The following EXOC7 variants were observed in gnomAD, a reference collection of about 807,000 sequenced individuals.
The protein encoded by EXOC7 is exocyst complex component 7, also known as exocyst complex component Exo70.
EXOC7 carries 51 observed loss-of-function variants against 87.6 expected under a neutral mutation model. The observed-to-expected ratio is 0.58, with a 90% confidence interval of 0.46 to 0.73. EXOC7 has a LOEUF of 0.73. EXOC7 is among the 30% of genes least tolerant of loss of function. The pLI is 0.00. For missense variants in EXOC7, 744 were observed against 888.4 expected (o/e 0.84, Z 2.07); for synonymous variants, 327 against 357.1 (o/e 0.92, Z 0.95).
chr17:76,088,203 T>A (rs899212298), intron 10 of EXOC7, 81 bp from the exon 11 acceptor site: 2 of 1,435,740 alleles, frequency 1.4e-6, no homozygotes, highest in Non-Finnish European at 1.9e-6. Flanking sequence ...TGGTGCCGCC[T>A]CCTGGCAGAC....
At chr17:76,087,485 G>A (rs985171893) in intron 12 of EXOC7, 169 bp downstream of exon 12, 13 of 644,282 alleles carry the variant, frequency 2.0e-5, no homozygotes, top group African/African-American at 2.0e-4. Context: ...CTTGAAAGGT[G>A]CAGGCAAACC....
rs2067124771 is a variant in EXOC7, at chr17:76,084,554, G to A, written c.1739C>T (p.Ala580Val). ...RSWLKVTDYI[A>V]EKNLPVFQPG... ...CTGGAACACAGGTAGATTCTTCTCT[G>A]CGATGTAATCAGTCACCTTTAACCA... The change falls in exon 16 of 19, where the codon GCA (alanine) becomes GTA (valine). Residue 580 changes from alanine (A) to valine (V), a missense_variant. Coordinates refer to ENST00000589210, the MANE Select transcript of EXOC7 (RefSeq NM_001013839.4). 3.7e-6 allele frequency: 6 copies of A among 1,613,934 alleles called. No homozygotes were observed. In the East Asian group the frequency reaches 8.9e-5, roughly 24 times the overall value.
intron 14 of EXOC7, 102 bp downstream of exon 14, chr17:76,085,575 C>A (rs146872206): frequency 1.9e-6 from 3 of 1,582,706 alleles, no homozygotes; most frequent in Non-Finnish European, 2.6e-6. Flanking sequence ...ACCCCCTCCC[C>A]TCTCGTCCAC....
rs199573454 is a variant in EXOC7, at chr17:76,098,031, C to T, written c.418-13G>A. On this transcript the variant is annotated splice_polypyrimidine_tract_variant and intron_variant, in intron 4 of 18. Coordinates refer to ENST00000589210, the MANE Select transcript of EXOC7 (RefSeq NM_001013839.4). ...CAAAGAGCAGTTTCTGCACAGACAA[C>T]AGAAGGAAGCAGGTGCCTGCTGCTT... The T allele has an allele frequency of 6.2e-7, 1 of 1,611,798 alleles. No individual in the cohort carries two copies.
At chr17:76,101,468 G>A in intron 3 of EXOC7, 92 bp from the exon 4 acceptor site, 1 of 1,524,842 alleles carries the variant, frequency 6.6e-7, no homozygotes, top group African/African-American at 1.4e-5. Context: ...TTAATACAGG[G>A]GACTCCAGGC....
At chr17:76,099,541 A>T (rs545166761) in intron 4 of EXOC7, among the ~76,000 whole-genome samples, 1 of 152,290 alleles carries the variant, frequency 6.6e-6, no homozygotes, top group East Asian at 1.9e-4. Context: ...CCAAAAAAAG[A>T]AACTGTGGTC....
At chr17:76,085,112 T>C (rs1280627367) in intron 15 of EXOC7, 4 of 585,456 alleles carry the variant, frequency 6.8e-6, no homozygotes, top group East Asian at 5.7e-5. Context: ...AAAGTGGCCA[T>C]AGTGGGCCCC....
chr17:76,081,620 G>A lies in EXOC7; in HGVS notation c.*2028C>T, dbSNP rs566441531. 26 of 1,614,082 alleles carry A rather than the reference G, an allele frequency of 1.6e-5. No homozygotes were observed. Among genetic ancestry groups the A allele is most frequent in the Admixed American group, 1.0e-4 (6 of 60,032 alleles). Reference sequence around the variant, plus strand: ...TGCAGAGGCACTGCTGTTGGCTGACGTGTGCGGGGGGTTGCTGCCCCTCCG... The same window carrying A: ...TGCAGAGGCACTGCTGTTGGCTGACATGTGCGGGGGGTTGCTGCCCCTCCG... On this transcript the variant is annotated 3_prime_UTR_variant, in exon 19 of 19. Transcript: ENST00000589210.
At position 76,081,506 on chromosome 17, in the gene EXOC7, T is replaced by C. The variant is rs1567947888; in HGVS notation, c.*2142A>G. On this transcript the variant is annotated 3_prime_UTR_variant, in exon 19 of 19. Transcript: ENST00000589210. ...CCCATGCCCCCGATGCCCACCTCCT[T>C]CCCCCCCGCCGGGAAGGCCCTGACT... 1.9e-6 allele frequency: 3 copies of C among 1,609,370 alleles called. No individual in the cohort carries two copies. The highest frequency in any genetic ancestry group is 2.7e-5 in the African/African-American group (2 of 74,716).
chr17:76,091,115 G>C, intron 7 of EXOC7, 28 bp downstream of exon 7: 1 of 1,588,138 alleles, frequency 6.3e-7, no homozygotes, highest in Non-Finnish European at 8.6e-7. Flanking sequence ...GAGGAGGAAG[G>C]GACAGGAGGG....
chr17:76,081,101 G>T lies in EXOC7; in HGVS notation c.*2547C>A. On this transcript the variant is annotated 3_prime_UTR_variant, in exon 19 of 19. Transcript: ENST00000589210. ...GCCTTCCTTCAACTGGAGACAATTT[G>T]GGATGTTGCAAAACAAGGTTTGGGA... 1 of 731,326 alleles carries T rather than the reference G, an allele frequency of 1.4e-6. No individual in the cohort carries two copies. The highest frequency in any genetic ancestry group is 2.3e-6 in the Non-Finnish European group (1 of 441,336). The allele number at this position is 731,326 out of a possible 1,614,324, so 45.3% of individuals were successfully genotyped here.
At chr17:76,083,965 G>T in intron 18 of EXOC7, 41 bp downstream of exon 18, 1 of 1,513,950 alleles carries the variant, frequency 6.6e-7, no homozygotes, top group Non-Finnish European at 8.8e-7. Flanking sequence ...GCCCACTGGG[G>T]CTGTGGGCAG....
Position 76,082,876 on chromosome 17 carries a change from C to G in EXOC7, c.*772G>C, listed in dbSNP as rs909621934. On this transcript the variant is annotated 3_prime_UTR_variant, in exon 19 of 19. Coordinates refer to ENST00000589210, the MANE Select transcript of EXOC7 (RefSeq NM_001013839.4). ...GGCCCTATTTTTTGCTTCCAACCCC[C>G]ATTTTGCTCCTTAACTTTTCCCCAT... The G allele has an allele frequency of 2.5e-6, 1 of 402,004 alleles. No homozygotes were observed. Among genetic ancestry groups the G allele is most frequent in the Non-Finnish European group, 4.3e-6 (1 of 230,302 alleles). 24.9% of individuals were successfully genotyped at this position (402,004 alleles called of 1,614,324 possible).
Position 76,081,797 on chromosome 17 carries a change from G to T in EXOC7, c.*1851C>A, listed in dbSNP as rs367697538. 1 of 1,612,988 alleles carries T rather than the reference G, an allele frequency of 6.2e-7. No individual in the cohort carries two copies. On this transcript the variant is annotated 3_prime_UTR_variant, in exon 19 of 19. Coordinates refer to ENST00000589210, the MANE Select transcript of EXOC7 (RefSeq NM_001013839.4). Reference sequence around the variant, plus strand: ...TACCCAGTCTGCCCTGTTTCTCCCCGGTCACCCACTGGTGCTCAGCTCGCT... The same window carrying T: ...TACCCAGTCTGCCCTGTTTCTCCCCTGTCACCCACTGGTGCTCAGCTCGCT...
At position 76,084,511 on chromosome 17, in the gene EXOC7, G is replaced by C. The variant is rs1199257337; in HGVS notation, c.1776+6C>G. On this transcript the variant is annotated splice_donor_region_variant and intron_variant, in intron 16 of 18. Coordinates refer to ENST00000589210, the MANE Select transcript of EXOC7 (RefSeq NM_001013839.4). ...CACCCCTTCCCAGCCCAGGTCTTGA[G>C]CCCACCTTGACTCCCGGCTGGAACA... 1.2e-6 allele frequency: 2 copies of C among 1,613,760 alleles called. No homozygotes were observed.
intron 6 of EXOC7, chr17:76,093,404 G>C (rs942043840): frequency 2.0e-5 from 3 of 152,700 alleles, no homozygotes; most frequent in African/African-American, 7.2e-5. Context: ...CCTAAACAAA[G>C]GCCTGCAGGG....
In EXOC7 at chr17:76,085,325, G is replaced by C. The variant is rs1248953785; in HGVS notation, c.1701C>G (p.Thr567=). The C allele has an allele frequency of 6.2e-7, 1 of 1,602,170 alleles. No homozygotes were observed. The change falls in exon 15 of 19, where the codon ACC becomes ACG. Residue 567 remains threonine (T), a synonymous_variant. Transcript: ENST00000589210. The part of the protein sequence containing the change: ...YREHIEQQIQ[T]YQRSWLKVTD... ...GCCCAGCCTCTCACCTGCGCTGGTA[G>C]GTCTGGATCTGCTGCTCAATGTGCT...
At chr17:76,086,280 T>C (rs1303833493) in intron 12 of EXOC7, 135 bp from the exon 13 acceptor site, 1 of 880,424 alleles carries the variant, frequency 1.1e-6, no homozygotes, top group Non-Finnish European at 1.8e-6. Context: ...GGCTGCCTGC[T>C]AAGCCACAGG....
chr17:76,089,016 G>A, intron 8 of EXOC7, 93 bp from the exon 9 acceptor site: 2 of 1,470,138 alleles, frequency 1.4e-6, no homozygotes, highest in Non-Finnish European at 9.4e-7. Context: ...AGGGGGGCCA[G>A]TGTGCAGGAA....
Sources: allele counts gnomAD v4.1 joint callset (sites outside exome capture counted in the v4.1 genomes callset), GRCh38; gene constraint gnomAD v4.1.1; transcripts MANE v1.5; gene names NCBI Gene and HGNC (gene_info 2026-07-23, HGNC 2026-07-21).